The following TMEM223 variants were observed in gnomAD, a reference collection of about 807,000 sequenced individuals.
TMEM223 encodes transmembrane protein 223.
TMEM223 carries 14 observed loss-of-function variants against 14.1 expected under a neutral mutation model. That is an observed-to-expected ratio of 0.99 (90% CI 0.66 to 1.55). TMEM223 has a LOEUF of 1.55. Among genes scored for constraint, TMEM223 ranks in the 40% most tolerant of loss-of-function variants. The probability of loss-of-function intolerance (pLI) is 0.00; values close to 1 mark genes in which losing one functional copy is unlikely to be tolerated. For synonymous variants in TMEM223, 145 were observed against 120.5 expected, an observed-to-expected ratio of 1.20 and a Z score of -1.33; for missense variants, 346 against 269.9, an observed-to-expected ratio of 1.28 and a Z score of -1.97.
chr11:62,782,310 C>T (rs759417969), intron 1 of TMEM223: 3 of 1,613,854 alleles, frequency 1.9e-6, no homozygotes, highest in South Asian at 2.2e-5. Flanking sequence ...ATGGGGCTGC[C>T]CTCCTGCTCA....
chr11:62,776,599 C>T, intron 1 of TMEM223: 1 of 904,744 alleles, frequency 1.1e-6, no homozygotes, highest in Non-Finnish European at 1.7e-6. Flanking sequence ...GCCTGTAATC[C>T]CAGCACTTTG....
chr11:62,789,465 A>G (rs750622779), downstream of TMEM223: 7 of 1,612,586 alleles, frequency 4.3e-6, no homozygotes, highest in Non-Finnish European at 5.9e-6. Flanking sequence ...GGGGCTGACT[A>G]CCTTCCCTCT....
chr11:62,776,605 C>A (rs2084190079), intron 1 of TMEM223: 4 of 820,434 alleles, frequency 4.9e-6, no homozygotes, highest in Non-Finnish European at 7.7e-6. Flanking sequence ...AATCCCAGCA[C>A]TTTGGGAGGC....
chr11:62,788,254 T>G (rs539961922), downstream of TMEM223, among the ~76,000 whole-genome samples: 54 of 151,250 alleles, frequency 3.6e-4, no homozygotes, highest in Non-Finnish European at 6.8e-4. Context: ...AATACAAAAA[T>G]TAGCCGGGTG....
At chr11:62,787,422 T>G (rs775082168), downstream of TMEM223, 4 of 1,559,828 alleles carry the variant, frequency 2.6e-6, no homozygotes, top group South Asian at 1.2e-5. Context: ...TTCCTGGTGG[T>G]CAGGGCGCCA....
At chr11:62,789,658 C>G (rs1283501144), downstream of TMEM223, 1 of 1,549,292 alleles carries the variant, frequency 6.5e-7, no homozygotes. Flanking sequence ...TGCAGTTTTA[C>G]TCCAACCTAC....
intron 1 of TMEM223, among the ~76,000 whole-genome samples, chr11:62,777,306 G>A (rs938820458): frequency 3.3e-5 from 5 of 152,088 alleles, no homozygotes; most frequent in East Asian, 1.9e-4. Context: ...CAGCCTGGGC[G>A]AAAGAGCAAA....
chr11:62,787,319 GTAAA>G (rs1565192037), downstream of TMEM223: 1 of 1,526,466 alleles, frequency 6.6e-7, no homozygotes, highest in African/African-American at 1.4e-5. Flanking sequence ...TTCGTTCCTT[GTAAA>G]TAAATCCCGC....
chr11:62,778,151 G>A (rs1358279957), intron 1 of TMEM223: 1 of 1,614,152 alleles, frequency 6.2e-7, no homozygotes, highest in Non-Finnish European at 8.5e-7. Context: ...GTCCTGCATG[G>A]GTTGGGGATG....
chr11:62,775,717 C>G, intron 1 of TMEM223: 2 of 1,547,374 alleles, frequency 1.3e-6, no homozygotes, highest in Non-Finnish European at 1.7e-6. Flanking sequence ...GATCACACTC[C>G]TGGGCTCTCC....
In TMEM223 at chr11:62,790,114, A is replaced by T; in HGVS notation, c.*509T>A. 6.0e-6 allele frequency: 8 copies of T among 1,337,308 alleles called. No individual in the cohort carries two copies. The highest frequency in any genetic ancestry group is 1.5e-5 in the African/African-American group (1 of 64,714). 82.8% of individuals were successfully genotyped at this position (1,337,308 alleles called of 1,614,324 possible). ...CAAGTGCCTGTAATCCCCCCCCTCA[A>T]GGCCCTGTTTATGTTGGGAGTCTTA... On this transcript the variant is annotated 3_prime_UTR_variant, in exon 2 of 2. Transcript: ENST00000307366.
downstream of TMEM223, chr11:62,789,735 G>GCTCA (rs1278819992): frequency 1.3e-6 from 2 of 1,513,920 alleles, no homozygotes. Flanking sequence ...CTGTGTGGGT[G>GCTCA]CTCACCAGTG....
At chr11:62,775,988 A>C (rs1466152279) in intron 1 of TMEM223, 27 of 1,545,532 alleles carry the variant, frequency 1.7e-5, no homozygotes, top group Non-Finnish European at 2.2e-5. Flanking sequence ...CTTTTTACTA[A>C]CCTCCACCCT....
chr11:62,791,850 C>A lies in TMEM223; in HGVS notation c.145G>T (p.Gly49Trp). 1 of 1,592,394 alleles carries A rather than the reference C, an allele frequency of 6.3e-7. No individual in the cohort carries two copies. The highest frequency in any genetic ancestry group is 2.3e-5 in the East Asian group (1 of 43,750). ...HDRGRFFTILGLFCAGQGVFW... is the reference protein window; with the variant it reads ...HDRGRFFTILWLFCAGQGVFW... ...ACGCCCTGGCCCGCGCAGAACAGCCCGAGGATGGTGAAGAAGCGGCCCCGA... is the reference window on the plus strand; with the variant it reads ...ACGCCCTGGCCCGCGCAGAACAGCCAGAGGATGGTGAAGAAGCGGCCCCGA... Residue 49 changes from glycine to tryptophan, a missense_variant, in exon 1 of 2, where the codon GGG (glycine) becomes TGG (tryptophan). Coordinates refer to ENST00000307366, the MANE Select transcript of TMEM223 (RefSeq NM_001080501.3).
rs765695453 is a variant in TMEM223 at position 62,791,962 on chromosome 11, C to A, written c.33G>T (p.Gly11=). The A allele has an allele frequency of 1.9e-6, 3 of 1,569,320 alleles. No homozygotes were observed. The highest frequency in any genetic ancestry group is 1.4e-5 in the African/African-American group (1 of 73,942). ...GCAGGGGCCGCAGCACGGCTAGCAG[C>A]CCCGTGGGCCATCGCCTCCAAGGCG... is the stretch of plus-strand genomic sequence containing the variant. MAAPWRRWPT[G]LLAVLRPLLT... Residue 11 remains glycine (G), a synonymous_variant, in exon 1 of 2, where the codon GGG becomes GGT. Transcript: ENST00000307366.
At chr11:62,787,664 T>C, downstream of TMEM223, 1 of 1,150,606 alleles carries the variant, frequency 8.7e-7, no homozygotes, top group Non-Finnish European at 1.2e-6. Context: ...CGCCGGCCTG[T>C]ACCTGAAATG....
chr11:62,786,651 G>C (rs2084280119), downstream of TMEM223: 1 of 1,605,102 alleles, frequency 6.2e-7, no homozygotes, highest in Non-Finnish European at 8.5e-7. Context: ...CGTCCTCCGG[G>C]GGCGGTGCAG....
chr11:62,787,444 T>C (rs747484225), downstream of TMEM223: 27 of 1,568,866 alleles, frequency 1.7e-5, no homozygotes, highest in Non-Finnish European at 2.1e-5. Context: ...GGCGCTGTCC[T>C]GGCTGCAGCG....
At position 62,790,030 on chromosome 11, in the gene TMEM223, C is replaced by T. The variant is rs141258525; in HGVS notation, c.*593G>A. 51 of 1,611,798 alleles carry T rather than the reference C, an allele frequency of 3.2e-5. No homozygotes were observed. Among genetic ancestry groups the T allele is most frequent in the African/African-American group, 1.6e-4 (12 of 74,820 alleles). On this transcript the variant is annotated 3_prime_UTR_variant, in exon 2 of 2. Transcript: ENST00000307366. ...TGAGACAGATGCTCTCGTTGGGTCA[C>T]GCCTTTCCCATTCCTGAAGAATAAG...
Sources: gnomAD v4.1 joint callset for allele counts (sites outside exome capture counted in the v4.1 genomes callset) on GRCh38, gnomAD v4.1.1 for gene constraint, MANE v1.5 for transcripts, NCBI Gene and HGNC (gene_info 2026-07-23, HGNC 2026-07-21) for gene names.